The following NFASC variants were observed in gnomAD, a reference collection of about 807,000 sequenced individuals.
The protein encoded by NFASC is neurofascin.
Under a neutral mutation model 147.5 loss-of-function variants are expected in NFASC, and 43 were observed. The observed-to-expected ratio is 0.29, with a 90% CI of 0.23 to 0.38. The LOEUF is 0.38. Ranked by LOEUF, NFASC falls within the 10% of genes least tolerant of loss-of-function variation. The probability of loss-of-function intolerance (pLI) is 1.00; values close to 1 mark genes in which losing one functional copy is unlikely to be tolerated. For missense variants in NFASC, 1,320 were observed against 1,689.0 expected (o/e 0.78, Z 3.83); for synonymous variants, 622 against 665.5 (o/e 0.93, Z 1.01).
At chr1:204,963,907 CT>C (rs1037760761) in intron 8 of NFASC, among the ~76,000 whole-genome samples, 1 of 152,210 alleles carries the variant, frequency 6.6e-6, no homozygotes, top group Non-Finnish European at 1.5e-5. Context: ...TGGCACGTCT[CT>C]TTTGTAGCAG....
intron 1 of NFASC, among the ~76,000 whole-genome samples, chr1:204,840,193 G>C: frequency 6.6e-6 from 1 of 152,136 alleles, no homozygotes. Context: ...TGCCAGTACT[G>C]CCCATCTGCA....
intron 1 of NFASC, among the ~76,000 whole-genome samples, chr1:204,856,196 GGC>G (rs2076139527): frequency 6.6e-6 from 1 of 152,064 alleles, no homozygotes; most frequent in Non-Finnish European, 1.5e-5. Flanking sequence ...AGGCTCAAAA[GGC>G]CAAGAAGACC....
intron 8 of NFASC, among the ~76,000 whole-genome samples, chr1:204,962,666 G>A (rs760054957): frequency 3.9e-5 from 6 of 152,126 alleles, no homozygotes; most frequent in African/African-American, 7.2e-5. Context: ...GTGAGGTCCC[G>A]TGTCTCTTTA....
intron 27 of NFASC, among the ~76,000 whole-genome samples, chr1:205,004,013 A>G (rs976967899): frequency 2.6e-5 from 4 of 152,236 alleles, no homozygotes; most frequent in African/African-American, 9.6e-5. Flanking sequence ...TCCTGTAACA[A>G]GGGGAGCAAG....
chr1:204,862,840 T>G (rs928665708), intron 1 of NFASC, among the ~76,000 whole-genome samples: 5 of 152,184 alleles, frequency 3.3e-5, no homozygotes, highest in Non-Finnish European at 1.5e-5. Context: ...GTTTTTAAAT[T>G]TTTTAAATAG....
In NFASC at chr1:205,001,281, T is replaced by C; in HGVS notation, c.3131T>C (p.Ile1044Thr). The C allele has an allele frequency of 6.2e-7, 1 of 1,606,538 alleles. No homozygotes were observed. The highest frequency in any genetic ancestry group is 1.3e-5 in the African/African-American group (1 of 74,858). Residue 1044 changes from isoleucine to threonine, a missense_variant, in exon 26 of 30, where the codon ATC becomes ACC. Physicochemically the swap from Ile to Thr is moderately conservative, Grantham distance 89. Transcript: ENST00000339876. Reference protein sequence around the residue: ...GPGTDFVVEYIDSNHTKKTVP... With the variant: ...GPGTDFVVEYTDSNHTKKTVP... ...GGAACTGACTTTGTGGTTGAGTACA[T>C]CGACAGTAAGCATTGCTGTGCGGGG... is the stretch of plus-strand genomic sequence containing the variant.
chr1:204,978,850 G>A lies in NFASC; in HGVS notation c.1877-118G>A, dbSNP rs1485909920. On this transcript the variant is annotated intron_variant, in intron 17 of 29. Transcript: ENST00000339876. ...CTGTGCTCACCCCTCAGGGCAGGCT[G>A]GGGTTGGATCCAGCTGGTAGCGAAG... 4 of 722,488 alleles carry A rather than the reference G, an allele frequency of 5.5e-6. No individual in the cohort carries two copies. In the African/African-American group the frequency reaches 7.1e-5, roughly 13 times the overall value. 44.8% of individuals were successfully genotyped at this position (722,488 alleles called of 1,614,324 possible). A position where few individuals can be genotyped will look rare whatever the true frequency, so the allele number is the denominator to read the frequency against.
Position 204,987,381 on chromosome 1 carries a change from C to T in NFASC, c.2471-37C>T, listed in dbSNP as rs747949682. ...GTTTTCCTCATCCTCCCTGCCCCCT[C>T]CCCCTCATCTCCCCTGCTCTCTCCT... On this transcript the variant is annotated intron_variant, in intron 21 of 29. Coordinates refer to ENST00000339876, the MANE Select transcript of NFASC (RefSeq NM_001005388.3). This position sits in a 1 kb window ranked among gnomAD's most constrained non-coding sequence, Gnocchi z 4.4. The T allele has an allele frequency of 1.3e-6, 2 of 1,596,888 alleles. No homozygotes were observed. Among genetic ancestry groups the T allele is most frequent in the Non-Finnish European group, 1.7e-6 (2 of 1,167,494 alleles).
chr1:204,936,302 A>C (rs946372449), intron 2 of NFASC, among the ~76,000 whole-genome samples: 2 of 143,492 alleles, frequency 1.4e-5, no homozygotes, highest in African/African-American at 5.1e-5. Flanking sequence ...CCCAGGTTCA[A>C]GTGATTCTCC....
intron 17 of NFASC, 61 bp downstream of exon 17, chr1:204,977,786 T>A (rs897418181): frequency 6.6e-6 from 10 of 1,518,256 alleles, no homozygotes; most frequent in Admixed American, 5.3e-5. Context: ...GGGTGTGGAG[T>A]CTGGGAGAAG....
intron 1 of NFASC, among the ~76,000 whole-genome samples, chr1:204,868,469 GC>G (rs2077300042): frequency 6.6e-6 from 1 of 152,136 alleles, no homozygotes; most frequent in African/African-American, 2.4e-5. Flanking sequence ...ATTGGCACGG[GC>G]TGTCCTCTGT....
chr1:204,929,526 A>G (rs952197221), intron 2 of NFASC: 1 of 152,412 alleles, frequency 6.6e-6, no homozygotes, highest in Non-Finnish European at 1.5e-5. Flanking sequence ...TCTGCTGCCA[A>G]GTCCTGCCCT....
At chr1:204,912,902 C>T (rs1342224348) in intron 1 of NFASC, among the ~76,000 whole-genome samples, 1 of 151,906 alleles carries the variant, frequency 6.6e-6, no homozygotes, top group East Asian at 1.9e-4. Context: ...GTGGCACGTG[C>T]CTATAATCCC....
intron 26 of NFASC, 21 bp downstream of exon 26, chr1:205,001,307 T>G: frequency 6.5e-7 from 1 of 1,531,968 alleles, no homozygotes; most frequent in Non-Finnish European, 9.0e-7. Context: ...CTGTGCGGGG[T>G]GGTGGTGGCG....
intron 1 of NFASC, among the ~76,000 whole-genome samples, chr1:204,900,683 G>T (rs1448307691): frequency 6.6e-6 from 1 of 152,154 alleles, no homozygotes; most frequent in Non-Finnish European, 1.5e-5. Context: ...GGGAGTGCTG[G>T]GGGAGGTGGT....
chr1:204,886,162 G>A (rs977475795), intron 1 of NFASC, among the ~76,000 whole-genome samples: 2 of 152,134 alleles, frequency 1.3e-5, no homozygotes, highest in Non-Finnish European at 2.9e-5. Context: ...AGCTGATTTC[G>A]TTCAGCTTCT....
Position 204,975,359 on chromosome 1 carries a change from C to G in NFASC, c.1647C>G (p.Pro549=), listed in dbSNP as rs370657324. ...TGGAGTGTCGGGTGAAGCACGACCC[C>G]TCCCTGAAACTCACCGTCTCCTGGC... ...VQLECRVKHD[P]SLKLTVSWLK... Residue 549 remains proline, a synonymous_variant, in exon 15 of 30, where the codon CCC becomes CCG. Coordinates refer to ENST00000339876, the MANE Select transcript of NFASC (RefSeq NM_001005388.3). The surrounding 1 kb of genome is among the most constrained non-coding windows in gnomAD (Gnocchi z 4.0). The G allele has an allele frequency of 6.2e-7, 1 of 1,614,114 alleles. No individual in the cohort carries two copies. Among genetic ancestry groups the G allele is most frequent in the Admixed American group, 1.7e-5 (1 of 60,026 alleles).
chr1:204,845,501 G>A (rs761518782), intron 1 of NFASC, among the ~76,000 whole-genome samples: 4 of 152,028 alleles, frequency 2.6e-5, no homozygotes, highest in Admixed American at 6.6e-5. Flanking sequence ...ACTGCAAATG[G>A]CTGGTTGAGA....
intron 1 of NFASC, among the ~76,000 whole-genome samples, chr1:204,846,562 G>A (rs937672524): frequency 2.6e-5 from 4 of 152,102 alleles, no homozygotes; most frequent in African/African-American, 7.2e-5. Flanking sequence ...GGTCTCAGCT[G>A]ATATCTAGCC....
Sources: allele counts gnomAD v4.1 joint callset (sites outside exome capture counted in the v4.1 genomes callset), GRCh38; gene constraint gnomAD v4.1.1; non-coding constraint Gnocchi (gnomAD v3.1); transcripts MANE v1.5; gene names NCBI Gene and HGNC (gene_info 2026-07-23, HGNC 2026-07-21).